The following COG5 variants were observed in gnomAD, a reference collection of about 807,000 sequenced individuals.
COG5 encodes the protein conserved oligomeric Golgi complex subunit 5.
A neutral mutation model predicts 110.4 loss-of-function variants in COG5; 86 were observed. The observed-to-expected ratio is 0.78, with a 90% CI of 0.65 to 0.93. The LOEUF (loss-of-function observed/expected upper bound fraction) is 0.93, where lower values mean the gene tolerates loss of function less well. Among genes scored for constraint, COG5 ranks in the 40% least tolerant of loss-of-function variants. The probability of loss-of-function intolerance (pLI) is 0.00; values close to 1 mark genes in which losing one functional copy is unlikely to be tolerated. For synonymous variants in COG5, 360 were observed against 334.6 expected, an observed-to-expected ratio of 1.08 and a Z score of -0.83; for missense variants, 1,077 against 987.0, an observed-to-expected ratio of 1.09 and a Z score of -1.22.
intron 19 of COG5, among the ~76,000 whole-genome samples, chr7:107,215,463 C>G (rs1405336532): frequency 6.6e-6 from 1 of 151,910 alleles, no homozygotes; most frequent in African/African-American, 2.4e-5. Flanking sequence ...GTCAGGAGAT[C>G]GAGACCATGC....
intron 6 of COG5, among the ~76,000 whole-genome samples, chr7:107,415,749 T>G (rs1284861028): frequency 6.8e-6 from 1 of 146,628 alleles, no homozygotes; most frequent in Non-Finnish European, 1.5e-5. Context: ...AATACATGTA[T>G]GTATATATGT....
chr7:107,241,079 A>G (rs1181719297), intron 17 of COG5, among the ~76,000 whole-genome samples: 2 of 152,360 alleles, frequency 1.3e-5, no homozygotes, highest in Middle Eastern at 3.4e-3. Flanking sequence ...AATTAGTAAA[A>G]ACACATCTAT....
In COG5 at chr7:107,558,054, A is replaced by C. The variant is rs768922379; in HGVS notation, c.156T>G (p.Ile52Met). Reference sequence around the variant, plus strand: ...GTTGTTCAGCAATTACAGCTTGATGAATAGATTGAGAAGTATAAGTCTTTA... The same window carrying C: ...GTTGTTCAGCAATTACAGCTTGATGCATAGATTGAGAAGTATAAGTCTTTA... ...FDVKTYTSQSIHQAVIAEQLA... is the reference protein window; with the variant it reads ...FDVKTYTSQSMHQAVIAEQLA... Residue 52 changes from isoleucine (I) to methionine (M), a missense_variant, in exon 2 of 22, where the codon ATT becomes ATG. Ile to Met is a conservative substitution (Grantham distance 10, BLOSUM62 1). Coordinates refer to ENST00000297135, the MANE Select transcript of COG5 (RefSeq NM_006348.5). The C allele has an allele frequency of 6.2e-7, 1 of 1,613,954 alleles. No homozygotes were observed. The highest frequency in any genetic ancestry group is 8.5e-7 in the Non-Finnish European group (1 of 1,179,912).
chr7:107,452,167 C>CTCTT (rs1273483730), intron 6 of COG5, among the ~76,000 whole-genome samples: 2 of 152,134 alleles, frequency 1.3e-5, no homozygotes, highest in Non-Finnish European at 1.5e-5. Context: ...TCACCATGAA[C>CTCTT]TCTTGCCTGG....
chr7:107,329,716 C>A (rs1360130759), intron 10 of COG5, among the ~76,000 whole-genome samples: 1 of 150,474 alleles, frequency 6.6e-6, no homozygotes, highest in Non-Finnish European at 1.5e-5. Flanking sequence ...ACAGCGAGAC[C>A]CCCCCCGTTT....
chr7:107,212,902 C>T (rs1005104507), intron 19 of COG5, among the ~76,000 whole-genome samples: 1 of 152,180 alleles, frequency 6.6e-6, no homozygotes, highest in Non-Finnish European at 1.5e-5. Context: ...CTCCTAAGCC[C>T]ACGTTTTCTA....
At position 107,474,629 on chromosome 7, in the gene COG5, G is replaced by C. The variant is rs755369999; in HGVS notation, c.538+52608C>G. The C allele has an allele frequency of 6.2e-7, 1 of 1,610,424 alleles. No homozygotes were observed. Among genetic ancestry groups the C allele is most frequent in the South Asian group, 1.1e-5 (1 of 90,692 alleles). ...TTCAGTCTTCAAAGTGGAAATACCT[G>C]GGAAAACAAGACACTTTTATGTGTC... On this transcript the variant is annotated intron_variant, in intron 6 of 21. Transcript: ENST00000297135. The surrounding 1 kb of genome is among the most constrained non-coding windows in gnomAD (Gnocchi z 5.7).
chr7:107,555,829 T>C (rs1181638947), intron 2 of COG5, among the ~76,000 whole-genome samples: 3 of 151,980 alleles, frequency 2.0e-5, no homozygotes, highest in Non-Finnish European at 1.5e-5. Context: ...CTGGCCAACA[T>C]GGTGAAATCC....
intron 8 of COG5, among the ~76,000 whole-genome samples, chr7:107,370,832 T>C (rs1814094929): frequency 6.7e-6 from 1 of 148,546 alleles, no homozygotes; most frequent in Non-Finnish European, 1.5e-5. Context: ...ACACAATAAT[T>C]GTGATTATGC....
At chr7:107,498,647 G>C (rs956575030) in intron 6 of COG5, among the ~76,000 whole-genome samples, 2 of 151,978 alleles carry the variant, frequency 1.3e-5, no homozygotes, top group African/African-American at 4.8e-5. Context: ...AAACAGACAC[G>C]TGCTGGTGAG....
At chr7:107,421,765 C>CA (rs202025992) in intron 6 of COG5, among the ~76,000 whole-genome samples, 7,066 of 120,116 alleles carry the variant, frequency 0.059, 422 homozygotes, top group African/African-American at 0.16. Flanking sequence ...GACTCCGTCT[C>CA]AAAAAAAAAA....
At chr7:107,464,883 T>C (rs1258050601) in intron 6 of COG5, among the ~76,000 whole-genome samples, 1 of 152,156 alleles carries the variant, frequency 6.6e-6, no homozygotes, top group African/African-American at 2.4e-5. Context: ...CTTGGGAAAG[T>C]TGCCATTTTT....
intron 10 of COG5, among the ~76,000 whole-genome samples, chr7:107,344,281 C>T (rs144962709): frequency 3.9e-5 from 6 of 152,312 alleles, no homozygotes; most frequent in African/African-American, 1.4e-4. Context: ...TTAGCACTTG[C>T]TGCTTCACGT....
intron 7 of COG5, among the ~76,000 whole-genome samples, chr7:107,387,731 G>A (rs1045821369): frequency 6.6e-5 from 10 of 152,190 alleles, no homozygotes; most frequent in African/African-American, 2.4e-4. Flanking sequence ...TCAATCACTC[G>A]ATCTGGGTTT....
intron 2 of COG5, 92 bp from the exon 3 acceptor site, chr7:107,554,434 A>G (rs1803149797): frequency 1.8e-6 from 2 of 1,112,620 alleles, no homozygotes; most frequent in Non-Finnish European, 2.7e-6. Flanking sequence ...CTTGGTGTAG[A>G]AACGAGGCAA....
At chr7:107,425,917 A>G (rs1023174097) in intron 6 of COG5, among the ~76,000 whole-genome samples, 21 of 152,204 alleles carry the variant, frequency 1.4e-4, no homozygotes, top group African/African-American at 5.1e-4. Flanking sequence ...GTGTCCTTAT[A>G]TTATAAAAAG....
intron 6 of COG5, among the ~76,000 whole-genome samples, chr7:107,510,151 C>G (rs998426803): frequency 3.3e-5 from 5 of 152,032 alleles, no homozygotes; most frequent in Admixed American, 2.6e-4. Context: ...TTCAGGAAAC[C>G]CATCTCACGT....
intron 11 of COG5, among the ~76,000 whole-genome samples, chr7:107,312,878 G>A (rs1165188792): frequency 6.8e-6 from 1 of 146,930 alleles, no homozygotes; most frequent in Non-Finnish European, 1.5e-5. Flanking sequence ...AGCTTTTAGG[G>A]GTTCACAGGA....
intron 19 of COG5, among the ~76,000 whole-genome samples, chr7:107,222,146 G>A (rs1799977043): frequency 6.6e-6 from 1 of 151,904 alleles, no homozygotes; most frequent in Non-Finnish European, 1.5e-5. Context: ...TCTAAGCCAG[G>A]CCTGGTAAGA....
Sources: allele counts gnomAD v4.1 joint callset (sites outside exome capture counted in the v4.1 genomes callset), GRCh38; gene constraint gnomAD v4.1.1; non-coding constraint Gnocchi (gnomAD v3.1); transcripts MANE v1.5; gene names NCBI Gene and HGNC (gene_info 2026-07-23, HGNC 2026-07-21).